STK3: variants seen among roughly 807,000 people sequenced by gnomAD.
The protein encoded by STK3 is serine/threonine kinase 3.
STK3 carries 41 observed loss-of-function variants against 58.0 expected under a neutral mutation model. The ratio of observed to expected loss-of-function variants is 0.71; its 90% confidence interval spans 0.55 to 0.92. STK3 has a LOEUF of 0.92. Ranked by LOEUF, STK3 falls within the 40% of genes least tolerant of loss-of-function variation. STK3 has a pLI of 0.00. For synonymous variants in STK3, 170 were observed against 191.0 expected (o/e 0.89, Z 0.91); for missense variants, 479 against 602.7 (o/e 0.79, Z 2.15).
At chr8:98,643,153 G>A (rs1820149802) in intron 6 of STK3, among the ~76,000 whole-genome samples, 1 of 152,136 alleles carries the variant, frequency 6.6e-6, no homozygotes, top group African/African-American at 2.4e-5. Flanking sequence ...CTTGAGCCTG[G>A]GAGATCAAGG....
chr8:98,407,721 T>G, intron 3 of STK3, among the ~76,000 whole-genome samples: 1 of 41,712 alleles, frequency 2.4e-5, no homozygotes, highest in South Asian at 8.3e-4. Context: ...TGCATGTGTG[T>G]GTGTGTGTGT....
chr8:98,498,575 A>C (rs7845395), intron 10 of STK3, among the ~76,000 whole-genome samples: 63,338 of 151,996 alleles, frequency 0.42, 13,415 homozygotes, highest in Admixed American at 0.54. Flanking sequence ...ATCTTTTGCA[A>C]CAAAAGAGTT....
At chr8:98,476,167 T>C (rs1322834307) in intron 10 of STK3, among the ~76,000 whole-genome samples, 1 of 152,184 alleles carries the variant, frequency 6.6e-6, no homozygotes, top group Admixed American at 6.5e-5. Flanking sequence ...GTATTCAACA[T>C]ATAATATCCT....
At chr8:98,829,003 C>A (rs1207991054), upstream of STK3, among the ~76,000 whole-genome samples, 2 of 152,174 alleles carry the variant, frequency 1.3e-5, no homozygotes, top group African/African-American at 4.8e-5. Context: ...CATCCTTTTC[C>A]ATCTGCTCTC....
At chr8:98,614,739 C>T (rs1054491621) in intron 6 of STK3, among the ~76,000 whole-genome samples, 10 of 152,314 alleles carry the variant, frequency 6.6e-5, no homozygotes, top group South Asian at 2.1e-4. Flanking sequence ...CCGAATACTG[C>T]GCTTTTCAGA....
At chr8:98,880,889 T>G (rs538906361), downstream of STK3, 3 of 152,252 alleles carry the variant, frequency 2.0e-5, no homozygotes, top group African/African-American at 7.2e-5. Context: ...GGAATGCAAA[T>G]GATACAGCCA....
chr8:98,402,534 C>A (rs1447573555), intron 3 of STK3, among the ~76,000 whole-genome samples: 1 of 152,202 alleles, frequency 6.6e-6, no homozygotes, highest in East Asian at 1.9e-4. Flanking sequence ...CAGAGCAAAG[C>A]CAGATAGGTG....
chr8:98,639,673 T>G (rs987690949), intron 6 of STK3, among the ~76,000 whole-genome samples: 21 of 152,232 alleles, frequency 1.4e-4, no homozygotes, highest in African/African-American at 5.1e-4. Context: ...ATAGTAATAA[T>G]TCATTATGCT....
the STK3 span, among the ~76,000 whole-genome samples, chr8:98,363,608 A>C: frequency 1.3e-5 from 2 of 152,260 alleles, no homozygotes; most frequent in African/African-American, 4.8e-5. Context: ...AAGAAAAAAG[A>C]AAAAAGCCAA....
At chr8:98,479,060 A>G (rs985814840) in intron 10 of STK3, among the ~76,000 whole-genome samples, 1 of 152,218 alleles carries the variant, frequency 6.6e-6, no homozygotes, top group Non-Finnish European at 1.5e-5. Flanking sequence ...AGAATGCCAT[A>G]GTGAGGATGA....
chr8:98,399,889 A>T (rs988936120), downstream of STK3, among the ~76,000 whole-genome samples: 1 of 152,188 alleles, frequency 6.6e-6, no homozygotes, highest in Non-Finnish European at 1.5e-5. Flanking sequence ...GTCACCCTCT[A>T]TTGCTGCCCA....
At chr8:98,881,283 C>T (rs1837782334), downstream of STK3, 1 of 152,158 alleles carries the variant, frequency 6.6e-6, no homozygotes, top group Non-Finnish European at 1.5e-5. Flanking sequence ...CAAAAGGCTA[C>T]ATACTATATG....
At chr8:98,687,154 A>T (rs370635374) in intron 6 of STK3, among the ~76,000 whole-genome samples, 3 of 152,202 alleles carry the variant, frequency 2.0e-5, no homozygotes, top group East Asian at 3.9e-4. Context: ...GTCACCCAAA[A>T]GAAAAAACCT....
intron 10 of STK3, among the ~76,000 whole-genome samples, chr8:98,495,505 G>C (rs1823063201): frequency 6.6e-6 from 1 of 152,068 alleles, no homozygotes; most frequent in Admixed American, 6.6e-5. Flanking sequence ...GATGGATAAT[G>C]ACCTTGTATT....
chr8:98,502,635 C>G (rs552153085), intron 10 of STK3, among the ~76,000 whole-genome samples: 5 of 152,040 alleles, frequency 3.3e-5, no homozygotes, highest in African/African-American at 4.8e-5. Context: ...CTTTGTCAAA[C>G]GCCTTTTCTG....
At chr8:98,346,619 G>C in the STK3 span, among the ~76,000 whole-genome samples, 1 of 151,712 alleles carries the variant, frequency 6.6e-6, no homozygotes, top group Non-Finnish European at 1.5e-5. Context: ...CATTCAAAGG[G>C]ACAAAGATAA....
At chr8:98,824,098 G>T (rs1350969258) in intron 1 of STK3, among the ~76,000 whole-genome samples, 1 of 152,170 alleles carries the variant, frequency 6.6e-6, no homozygotes, top group Non-Finnish European at 1.5e-5. Flanking sequence ...TATAAAAAAT[G>T]TTGAGACATT....
chr8:98,871,231 GT>G (rs1837366665), intron 3 of STK3, among the ~76,000 whole-genome samples: 1 of 152,182 alleles, frequency 6.6e-6, no homozygotes, highest in Admixed American at 6.6e-5. Flanking sequence ...GTACCATGCT[GT>G]TTTGATTACT....
rs993484231 is a variant in STK3, at chr8:98,887,246, C to A, written c.-78-3412G>T. 8.5e-5 allele frequency among the ~76,000 whole-genome samples: 13 copies of A among 152,212 alleles called. No individual in the cohort carries two copies. The East Asian group carries it at 2.3e-3, about 27-fold the overall frequency. On this transcript the variant is annotated intron_variant, in intron 1 of 1. Transcript: ENST00000519420. The stretch of plus-strand genomic sequence containing the variant: ...CAGTACAGAAACAACCATCCATTTT[C>A]CCCCCGAATCAAAATCTGAAATTTT...
Sources: allele counts gnomAD v4.1 joint callset (sites outside exome capture counted in the v4.1 genomes callset), GRCh38; gene constraint gnomAD v4.1.1; transcripts MANE v1.5; gene names NCBI Gene and HGNC (gene_info 2026-07-23, HGNC 2026-07-21).